PTPRD: variants seen among roughly 807,000 people sequenced by gnomAD.
The protein encoded by PTPRD is receptor-type tyrosine-protein phosphatase delta.
PTPRD carries 34 observed loss-of-function variants against 214.5 expected under a neutral mutation model. The observed-to-expected ratio is 0.16, with a 90% CI of 0.12 to 0.21. The LOEUF (loss-of-function observed/expected upper bound fraction) is 0.21, where lower values mean the gene tolerates loss of function less well. PTPRD is among the 10% of genes least tolerant of loss of function. The probability of loss-of-function intolerance (pLI) is 1.00; values close to 1 mark genes in which losing one functional copy is unlikely to be tolerated. For synonymous variants in PTPRD, 1,128 were observed against 845.7 expected, an observed-to-expected ratio of 1.33 and a Z score of -5.79; for missense variants, 2,545 against 2,398.7, an observed-to-expected ratio of 1.06 and a Z score of -1.27.
intron 11 of PTPRD, among the ~76,000 whole-genome samples, chr9:8,927,466 T>G (rs1296404504): frequency 1.3e-5 from 2 of 152,160 alleles, no homozygotes; most frequent in East Asian, 1.9e-4. Flanking sequence ...GTGTTTGGTT[T>G]CCTGTTCCTG....
intron 9 of PTPRD, among the ~76,000 whole-genome samples, chr9:9,282,541 T>A (rs1211647614): frequency 6.6e-6 from 1 of 151,396 alleles, no homozygotes; most frequent in East Asian, 2.0e-4. Context: ...TAAATTTGTA[T>A]AAATTCAGTT....
chr9:9,643,394 A>T (rs1436694729), intron 7 of PTPRD, among the ~76,000 whole-genome samples: 1 of 152,288 alleles, frequency 6.6e-6, no homozygotes, highest in African/African-American at 2.4e-5. Context: ...CACTAAACTC[A>T]AATTGGATTT....
intron 14 of PTPRD, among the ~76,000 whole-genome samples, chr9:8,596,502 A>C (rs1400018720): frequency 6.6e-6 from 1 of 152,116 alleles, no homozygotes; most frequent in Non-Finnish European, 1.5e-5. Context: ...TAAAGAAAAA[A>C]ACAGACGACA....
At chr9:8,603,361 A>G (rs765639493) in intron 14 of PTPRD, among the ~76,000 whole-genome samples, 13 of 152,338 alleles carry the variant, frequency 8.5e-5, no homozygotes, top group South Asian at 2.1e-4. Context: ...TACTTAGACA[A>G]CAGTTTAAAC....
At chr9:9,623,582 A>G (rs1024034856) in intron 7 of PTPRD, among the ~76,000 whole-genome samples, 4 of 152,136 alleles carry the variant, frequency 2.6e-5, no homozygotes, top group African/African-American at 7.2e-5. Flanking sequence ...ATTTCTTACT[A>G]AAGACCCAGC....
At chr9:9,417,147 C>A (rs1249033052) in intron 8 of PTPRD, among the ~76,000 whole-genome samples, 1 of 152,104 alleles carries the variant, frequency 6.6e-6, no homozygotes, top group Non-Finnish European at 1.5e-5. Context: ...TTAAGTTTCA[C>A]TTGCTTCAGC....
At chr9:9,750,134 A>G (rs1211201658) in intron 6 of PTPRD, among the ~76,000 whole-genome samples, 1 of 152,184 alleles carries the variant, frequency 6.6e-6, no homozygotes, top group East Asian at 1.9e-4. Context: ...AGTTTTGCCA[A>G]TATGCTAAAT....
intron 44 of PTPRD, among the ~76,000 whole-genome samples, chr9:8,321,664 A>G (rs1022989780): frequency 6.6e-6 from 1 of 151,616 alleles, no homozygotes; most frequent in Non-Finnish European, 1.5e-5. Flanking sequence ...AGTTAAGAAG[A>G]TGTATTAAAT....
intron 5 of PTPRD, among the ~76,000 whole-genome samples, chr9:9,854,163 C>T (rs1380758914): frequency 6.6e-6 from 1 of 152,102 alleles, no homozygotes; most frequent in Non-Finnish European, 1.5e-5. Context: ...CTCTAACCTG[C>T]TATTTACATT....
chr9:8,356,039 T>A (rs1175997653), intron 39 of PTPRD, among the ~76,000 whole-genome samples: 1 of 152,208 alleles, frequency 6.6e-6, no homozygotes, highest in Admixed American at 6.5e-5. Flanking sequence ...TTTTTTGTCC[T>A]TAGCAATGTA....
At chr9:9,577,128 T>C (rs1007089197) in intron 7 of PTPRD, among the ~76,000 whole-genome samples, 1 of 152,172 alleles carries the variant, frequency 6.6e-6, no homozygotes, top group African/African-American at 2.4e-5. Context: ...ATTTGACTAG[T>C]TGGTCTTCCA....
At chr9:10,265,321 A>C (rs2475345) in intron 3 of PTPRD, among the ~76,000 whole-genome samples, 23,915 of 152,074 alleles carry the variant, frequency 0.16, 1,983 homozygotes, top group African/African-American at 0.2. Context: ...TCCTGACCAC[A>C]TCAGCTAACA....
intron 8 of PTPRD, among the ~76,000 whole-genome samples, chr9:9,430,661 T>G (rs199572396): frequency 5.9e-5 from 9 of 152,150 alleles, no homozygotes; most frequent in East Asian, 1.9e-4. Flanking sequence ...TATACTACAA[T>G]GCTACAGTAA....
At chr9:9,765,723 T>C (rs956350693) in intron 6 of PTPRD, among the ~76,000 whole-genome samples, 1 of 152,184 alleles carries the variant, frequency 6.6e-6, no homozygotes, top group Non-Finnish European at 1.5e-5. Context: ...TGCAGTGGCA[T>C]GATCTCGGCT....
At chr9:9,080,205 T>C (rs1408277121) in intron 10 of PTPRD, among the ~76,000 whole-genome samples, 1 of 152,072 alleles carries the variant, frequency 6.6e-6, no homozygotes, top group Non-Finnish European at 1.5e-5. Context: ...AGAGAGTTTA[T>C]ACAACTTATC....
chr9:10,275,232 T>C (rs1005963769), intron 3 of PTPRD, among the ~76,000 whole-genome samples: 3 of 152,162 alleles, frequency 2.0e-5, no homozygotes, highest in African/African-American at 7.2e-5. Context: ...CTTTAAATTC[T>C]GATAATTTTT....
intron 7 of PTPRD, among the ~76,000 whole-genome samples, chr9:9,726,556 T>C (rs979282850): frequency 6.6e-6 from 1 of 152,208 alleles, no homozygotes; most frequent in Non-Finnish European, 1.5e-5. Context: ...GTTTAAATGT[T>C]AAACAGTTAA....
intron 2 of PTPRD, among the ~76,000 whole-genome samples, chr9:10,550,523 A>G (rs1387903587): frequency 6.6e-6 from 1 of 152,030 alleles, no homozygotes; most frequent in Non-Finnish European, 1.5e-5. Flanking sequence ...CTTTTTGGAG[A>G]CCCTCTGAGG....
intron 7 of PTPRD, among the ~76,000 whole-genome samples, chr9:9,587,909 A>G (rs1310694181): frequency 6.6e-6 from 1 of 152,008 alleles, no homozygotes; most frequent in African/African-American, 2.4e-5. Flanking sequence ...ACACATAGTT[A>G]GAAGAAATAA....
Sources: gnomAD v4.1 joint callset for allele counts (sites outside exome capture counted in the v4.1 genomes callset) on GRCh38, gnomAD v4.1.1 for gene constraint, MANE v1.5 for transcripts, NCBI Gene and HGNC (gene_info 2026-07-23, HGNC 2026-07-21) for gene names.